The following LRCH1 variants were observed in gnomAD, a reference collection of about 807,000 sequenced individuals.
LRCH1 encodes the protein leucine rich repeats and calponin homology domain containing 1, also known as leucine-rich repeat and calponin homology domain-containing protein 1.
LRCH1 carries 23 observed loss-of-function variants against 94.9 expected under a neutral mutation model. That is an observed-to-expected ratio of 0.24 (90% CI 0.17 to 0.34). The LOEUF (loss-of-function observed/expected upper bound fraction) is 0.34, where lower values mean the gene tolerates loss of function less well. LRCH1 is among the 10% of genes least tolerant of loss of function. The pLI, the probability that LRCH1 is intolerant of heterozygous loss-of-function variation, is 1.00. For synonymous variants in LRCH1, 364 were observed against 354.9 expected (o/e 1.03, Z -0.29); for missense variants, 790 against 945.9 (o/e 0.84, Z 2.16).
chr13:46,650,368 A>C (rs1299097073), intron 2 of LRCH1, 23 bp downstream of exon 2: 1 of 1,542,426 alleles, frequency 6.5e-7, no homozygotes, highest in South Asian at 1.3e-5. Flanking sequence ...TAAAAGTTGT[A>C]ATCAAATTCA....
chr13:46,615,616 T>A (rs1019087480), intron 1 of LRCH1, among the ~76,000 whole-genome samples: 2 of 152,182 alleles, frequency 1.3e-5, no homozygotes, highest in African/African-American at 4.8e-5. Flanking sequence ...CATTCCTTCA[T>A]CAAGATATTC....
At chr13:46,569,666 G>T (rs2050220958) in intron 1 of LRCH1, among the ~76,000 whole-genome samples, 1 of 152,038 alleles carries the variant, frequency 6.6e-6, no homozygotes, top group Non-Finnish European at 1.5e-5. Context: ...AGGGCCTCTG[G>T]TATCTGGCGC....
At chr13:46,681,405 T>C (rs2051748275) in intron 3 of LRCH1, among the ~76,000 whole-genome samples, 1 of 152,214 alleles carries the variant, frequency 6.6e-6, no homozygotes, top group African/African-American at 2.4e-5. Context: ...CACTTTTTGA[T>C]TTGTAAATAT....
intron 2 of LRCH1, among the ~76,000 whole-genome samples, chr13:46,651,661 CAA>C (rs754716387): frequency 2.4e-4 from 26 of 108,332 alleles, no homozygotes; most frequent in African/African-American, 4.2e-4. Context: ...AACTCCATGT[CAA>C]AAAAAAAAAA....
intron 1 of LRCH1, among the ~76,000 whole-genome samples, chr13:46,562,352 C>G (rs1304055306): frequency 2.0e-5 from 3 of 152,290 alleles, no homozygotes; most frequent in Admixed American, 6.5e-5. Context: ...AGTCCAAGAT[C>G]AAGGTGTCGG....
chr13:46,679,139 T>C (rs1029543960), intron 3 of LRCH1, among the ~76,000 whole-genome samples: 3 of 152,220 alleles, frequency 2.0e-5, no homozygotes, highest in Admixed American at 6.5e-5. Flanking sequence ...AGATGGCAAA[T>C]AATTCCTTCT....
At chr13:46,702,869 T>A (rs1871552167) in intron 11 of LRCH1, among the ~76,000 whole-genome samples, 1 of 152,196 alleles carries the variant, frequency 6.6e-6, no homozygotes, top group African/African-American at 2.4e-5. Context: ...AGTCAGCCAG[T>A]GCTTCTGATG....
At chr13:46,737,729 TTTGACTTTTCTGAGTGCTC>T (rs1873454763) in intron 19 of LRCH1, among the ~76,000 whole-genome samples, 1 of 152,164 alleles carries the variant, frequency 6.6e-6, no homozygotes, top group Non-Finnish European at 1.5e-5. Context: ...TGGGGCTTCC[TTTGACTTTTCTGAGTGCTC>T]TTGGAGATTC....
chr13:46,704,958 T>G, intron 11 of LRCH1, 110 bp from the exon 12 acceptor site: 1 of 595,658 alleles, frequency 1.7e-6, no homozygotes, highest in Non-Finnish European at 2.8e-6. Context: ...ATCCTAAAGA[T>G]AAACATAACT....
At chr13:46,624,760 A>T (rs1273052083) in intron 1 of LRCH1, among the ~76,000 whole-genome samples, 1 of 152,212 alleles carries the variant, frequency 6.6e-6, no homozygotes, top group African/African-American at 2.4e-5. Flanking sequence ...AAGAAAAACG[A>T]TATTAACACC....
At chr13:46,696,643 T>C (rs1161554131) in intron 9 of LRCH1, among the ~76,000 whole-genome samples, 1 of 152,192 alleles carries the variant, frequency 6.6e-6, no homozygotes, top group Non-Finnish European at 1.5e-5. Flanking sequence ...AAAGGCTTTC[T>C]GGAAGATACT....
intron 1 of LRCH1, among the ~76,000 whole-genome samples, chr13:46,626,430 C>G (rs1566185107): frequency 6.6e-6 from 1 of 152,216 alleles, no homozygotes; most frequent in East Asian, 1.9e-4. Context: ...CTGCCCCACC[C>G]TAACTGATCA....
chr13:46,636,100 C>T (rs564615624), intron 1 of LRCH1, among the ~76,000 whole-genome samples: 11 of 114,582 alleles, frequency 9.6e-5, no homozygotes, highest in South Asian at 3.1e-4. Context: ...GATGAAGTCT[C>T]GCTCTGTCAC....
intron 1 of LRCH1, among the ~76,000 whole-genome samples, chr13:46,636,519 C>T (rs2051091896): frequency 6.6e-6 from 1 of 152,150 alleles, no homozygotes; most frequent in African/African-American, 2.4e-5. Context: ...CCTCCAAGCC[C>T]CTGGCAACCA....
intron 17 of LRCH1, among the ~76,000 whole-genome samples, chr13:46,726,863 A>C (rs1241898534): frequency 3.3e-4 from 4 of 11,998 alleles, no homozygotes; most frequent in Non-Finnish European, 1.6e-3. Context: ...GAGCAGTGTC[A>C]AAAAAAAAAA....
Position 46,743,232 on chromosome 13 carries a change from A to G in LRCH1, c.*1384A>G. 1.0e-6 allele frequency: 1 copy of G among 985,808 alleles called. No homozygotes were observed. Among genetic ancestry groups the G allele is most frequent in the Non-Finnish European group, 1.2e-6 (1 of 829,850 alleles). The allele number at this position is 985,808 out of a possible 1,614,324, so 61.1% of individuals were successfully genotyped here. On this transcript the variant is annotated 3_prime_UTR_variant, in exon 20 of 20. Coordinates refer to ENST00000389797, the MANE Select transcript of LRCH1 (RefSeq NM_001164211.2). ...CTACGAAGAAAATCTTATTTTTCTG[A>G]ACATTTTCATGAATCCAGGGGACTT...
At chr13:46,610,193 A>G (rs1307160733) in intron 1 of LRCH1, among the ~76,000 whole-genome samples, 2 of 152,238 alleles carry the variant, frequency 1.3e-5, no homozygotes, top group Non-Finnish European at 2.9e-5. Flanking sequence ...ATGATAATCC[A>G]AAAGATGTCT....
chr13:46,657,347 A>G lies in LRCH1; in HGVS notation c.452+7002A>G, dbSNP rs866198216. Among the ~76,000 whole-genome samples, 5 of 150,664 alleles carry G rather than the reference A, an allele frequency of 3.3e-5. No homozygotes were observed. The South Asian group carries it at 1.0e-3, about 32-fold the overall frequency. ...ACTATATATCCTCTAAGAACACTGC[A>G]CTTTACCAAGTCCTATAACAAGTGC... On this transcript the variant is annotated intron_variant, in intron 2 of 19. Transcript: ENST00000389797.
intron 19 of LRCH1, 68 bp downstream of exon 19, chr13:46,734,066 C>G (rs117493342): frequency 0.042 from 32,909 of 780,128 alleles, 919 homozygotes; most frequent in Non-Finnish European, 0.054. Context: ...GAGTTTGAAC[C>G]ATTGAATCGA....
Sources: allele counts gnomAD v4.1 joint callset (sites outside exome capture counted in the v4.1 genomes callset), GRCh38; gene constraint gnomAD v4.1.1; transcripts MANE v1.5; gene names NCBI Gene and HGNC (gene_info 2026-07-23, HGNC 2026-07-21).